The following PDE4D variants were observed in gnomAD, a reference collection of about 807,000 sequenced individuals.
PDE4D encodes phosphodiesterase 4D.
A neutral mutation model predicts 87.4 loss-of-function variants in PDE4D; 24 were observed. The ratio of observed to expected loss-of-function variants is 0.27; its 90% confidence interval spans 0.20 to 0.39. The LOEUF is 0.39. Ranked by LOEUF, PDE4D falls within the 10% of genes least tolerant of loss-of-function variation. The pLI, the probability that PDE4D is intolerant of heterozygous loss-of-function variation, is 1.00. For synonymous variants in PDE4D, 384 were observed against 383.2 expected, an observed-to-expected ratio of 1.00 and a Z score of -0.02; for missense variants, 714 against 1,041.0, an observed-to-expected ratio of 0.69 and a Z score of 4.32.
intron 2 of PDE4D, among the ~76,000 whole-genome samples, chr5:59,200,017 G>A (rs949795507): frequency 1.9e-5 from 2 of 103,596 alleles, no homozygotes; most frequent in Admixed American, 1.1e-4. Context: ...ATACATACAT[G>A]CACATATACA....
chr5:60,046,541 A>G (rs2152874008), intron 2 of PDE4D, among the ~76,000 whole-genome samples: 1 of 152,322 alleles, frequency 6.6e-6, no homozygotes, highest in African/African-American at 2.4e-5. Flanking sequence ...AATACATCCC[A>G]TCAATACCTA....
intron 1 of PDE4D, among the ~76,000 whole-genome samples, chr5:59,432,729 G>C (rs1796284215): frequency 6.6e-6 from 1 of 152,116 alleles, no homozygotes; most frequent in Non-Finnish European, 1.5e-5. Context: ...CAGCCTTTCT[G>C]AACTGAAATA....
intron 1 of PDE4D, among the ~76,000 whole-genome samples, chr5:59,475,008 T>C (rs1298476850): frequency 1.3e-5 from 2 of 151,976 alleles, no homozygotes; most frequent in Non-Finnish European, 2.9e-5. Context: ...CAATATAATT[T>C]TGAGTTGGAA....
chr5:59,655,777 G>C (rs896925717), intron 1 of PDE4D, among the ~76,000 whole-genome samples: 2 of 152,104 alleles, frequency 1.3e-5, no homozygotes, highest in African/African-American at 4.8e-5. Context: ...CCCCACCTTA[G>C]AGCATTTAAG....
chr5:59,308,971 C>T (rs1228686774), intron 1 of PDE4D, among the ~76,000 whole-genome samples: 8 of 151,960 alleles, frequency 5.3e-5, no homozygotes, highest in South Asian at 2.1e-4. Context: ...GAGTTGTGCA[C>T]CTAGGAGGAT....
chr5:59,172,060 A>T (rs1166543299), intron 5 of PDE4D, among the ~76,000 whole-genome samples: 1 of 4,936 alleles, frequency 2.0e-4, no homozygotes, highest in East Asian at 2.2e-3. Flanking sequence ...TATATATATT[A>T]TATATATAAT....
At chr5:59,590,613 G>C (rs991216984) in intron 1 of PDE4D, among the ~76,000 whole-genome samples, 1 of 152,094 alleles carries the variant, frequency 6.6e-6, no homozygotes, top group African/African-American at 2.4e-5. Context: ...TATTAGCAGG[G>C]CACCACAAAT....
chr5:59,176,761 C>T (rs1355986199), intron 5 of PDE4D, among the ~76,000 whole-genome samples: 2 of 152,066 alleles, frequency 1.3e-5, no homozygotes, highest in Admixed American at 6.6e-5. Flanking sequence ...ATTAATATTT[C>T]TCCTTCAAAC....
chr5:59,532,346 C>T (rs1236653438), intron 1 of PDE4D, among the ~76,000 whole-genome samples: 1 of 152,082 alleles, frequency 6.6e-6, no homozygotes, highest in East Asian at 1.9e-4. Flanking sequence ...CCATGTTGGC[C>T]AGGCTGGTCT....
intron 1 of PDE4D, among the ~76,000 whole-genome samples, chr5:60,394,369 T>C (rs1762751941): frequency 6.6e-6 from 1 of 152,230 alleles, no homozygotes; most frequent in African/African-American, 2.4e-5. Flanking sequence ...TCCCCATAAC[T>C]TGGGTTTGTA....
intron 5 of PDE4D, among the ~76,000 whole-genome samples, chr5:59,135,215 A>G (rs1252284606): frequency 6.6e-6 from 1 of 152,168 alleles, no homozygotes; most frequent in African/African-American, 2.4e-5. Flanking sequence ...TAATCATCCA[A>G]CTACATTAAG....
At chr5:59,356,270 T>C (rs1180976147) in intron 1 of PDE4D, among the ~76,000 whole-genome samples, 1 of 152,222 alleles carries the variant, frequency 6.6e-6, no homozygotes, top group Non-Finnish European at 1.5e-5. Flanking sequence ...CAAAAGATTA[T>C]TAAAATATTT....
chr5:59,983,003 C>T (rs561249380), intron 3 of PDE4D, among the ~76,000 whole-genome samples: 56 of 152,228 alleles, frequency 3.7e-4, no homozygotes, highest in Admixed American at 1.9e-3. Context: ...AGTAGGTGCT[C>T]GCATTATTCC....
intron 1 of PDE4D, among the ~76,000 whole-genome samples, chr5:60,311,545 T>A (rs1438191615): frequency 1.3e-5 from 2 of 152,174 alleles, no homozygotes; most frequent in African/African-American, 2.4e-5. Flanking sequence ...CAGACCTGCA[T>A]TACAAGAAGT....
chr5:59,056,233 A>C (rs1257072719), intron 5 of PDE4D, among the ~76,000 whole-genome samples: 1 of 152,078 alleles, frequency 6.6e-6, no homozygotes, highest in Non-Finnish European at 1.5e-5. Flanking sequence ...CAGGCACACC[A>C]TGCACAAAAC....
chr5:59,538,719 G>A (rs542493260), intron 1 of PDE4D, among the ~76,000 whole-genome samples: 1 of 152,158 alleles, frequency 6.6e-6, no homozygotes, highest in South Asian at 2.1e-4. Flanking sequence ...CCTTTTGTTG[G>A]AATGAAGTCC....
At chr5:59,406,411 C>G (rs1462335557) in intron 1 of PDE4D, among the ~76,000 whole-genome samples, 2 of 89,572 alleles carry the variant, frequency 2.2e-5, no homozygotes, top group Non-Finnish European at 4.8e-5. Context: ...CCCCCCCCCC[C>G]ATAGAGTCTT....
intron 1 of PDE4D, among the ~76,000 whole-genome samples, chr5:59,407,434 C>T (rs1226452896): frequency 2.0e-5 from 3 of 152,114 alleles, no homozygotes; most frequent in Non-Finnish European, 4.4e-5. Flanking sequence ...TATTGCAATG[C>T]CACAACAGCC....
intron 1 of PDE4D, among the ~76,000 whole-genome samples, chr5:59,309,799 T>C (rs149851557): frequency 6.6e-6 from 1 of 152,256 alleles, no homozygotes; most frequent in Non-Finnish European, 1.5e-5. Flanking sequence ...CTTCTGTCTC[T>C]TGGATGTATT....
Sources: allele counts gnomAD v4.1 joint callset (sites outside exome capture counted in the v4.1 genomes callset), GRCh38; gene constraint gnomAD v4.1.1; transcripts MANE v1.5; gene names NCBI Gene and HGNC (gene_info 2026-07-23, HGNC 2026-07-21).